The following AP3M2 variants were observed in gnomAD, a reference collection of about 807,000 sequenced individuals.
AP3M2 encodes the protein adaptor related protein complex 3 subunit mu 2.
A neutral mutation model predicts 41.6 loss-of-function variants in AP3M2; 28 were observed. The ratio of observed to expected loss-of-function variants is 0.67; its 90% confidence interval spans 0.50 to 0.92. The LOEUF (loss-of-function observed/expected upper bound fraction) is 0.92, where lower values mean the gene tolerates loss of function less well. AP3M2 is among the 40% of genes least tolerant of loss of function. AP3M2 has a pLI of 0.00. For synonymous variants in AP3M2, 193 were observed against 186.4 expected (o/e 1.04, Z -0.29); for missense variants, 427 against 521.4 (o/e 0.82, Z 1.76).
chr8:42,168,928 C>T, intron 8 of AP3M2, 33 bp from the exon 9 acceptor site: 2 of 1,506,568 alleles, frequency 1.3e-6, no homozygotes, highest in Non-Finnish European at 9.1e-7. Flanking sequence ...GAATAATACT[C>T]ATGTCTATTT....
At chr8:42,166,823 A>C (rs1398473064) in intron 6 of AP3M2, 3 of 273,152 alleles carry the variant, frequency 1.1e-5, no homozygotes, top group Admixed American at 9.6e-5. Flanking sequence ...TATACTCCCC[A>C]GTGCAAATGA....
intron 4 of AP3M2, among the ~76,000 whole-genome samples, chr8:42,162,942 T>TAAAAA (rs1804545028): frequency 4.0e-5 from 1 of 24,924 alleles, no homozygotes; most frequent in Non-Finnish European, 6.9e-5. Flanking sequence ...AGACCCTGTC[T>TAAAAA]CAAAAAAAAA....
At chr8:42,159,849 A>G (rs975828064) in intron 3 of AP3M2, among the ~76,000 whole-genome samples, 1 of 152,250 alleles carries the variant, frequency 6.6e-6, no homozygotes, top group Non-Finnish European at 1.5e-5. Context: ...AATAGCCAGG[A>G]CAGTTTTGGA....
chr8:42,166,465 T>C lies in AP3M2; in HGVS notation c.804-699T>C, dbSNP rs1054044196. 3.3e-5 allele frequency among the ~76,000 whole-genome samples: 5 copies of C among 151,788 alleles called. No homozygotes were observed. In the East Asian group the frequency reaches 7.7e-4, roughly 23 times the overall value. On this transcript the variant is annotated intron_variant, in intron 6 of 8. Coordinates refer to ENST00000396926, the MANE Select transcript of AP3M2 (RefSeq NM_006803.4). Reference sequence around the variant, plus strand: ...AATCATGACAGCCTACCCTACCTTATGGGGTTTTTGTAAGGACCAGATGAT... The same window carrying C: ...AATCATGACAGCCTACCCTACCTTACGGGGTTTTTGTAAGGACCAGATGAT...
chr8:42,160,529 TTTATAA>T (rs1804481444), intron 3 of AP3M2, among the ~76,000 whole-genome samples: 1 of 152,236 alleles, frequency 6.6e-6, no homozygotes, highest in Non-Finnish European at 1.5e-5. Context: ...AAACACAGAC[TTTATAA>T]TTATTAGACA....
chr8:42,166,591 C>CAAAAAAAAAAAA (rs56858276), intron 6 of AP3M2, among the ~76,000 whole-genome samples: 10,972 of 75,904 alleles, frequency 0.14, 1,060 homozygotes, highest in Non-Finnish European at 0.19. Context: ...CTTGTCTCTA[C>CAAAAAAAAAAAA]AAAAAAAAAA....
At position 42,154,829 on chromosome 8, in the gene AP3M2, G is replaced by T. The variant is rs201026159; in HGVS notation, c.142G>T (p.Val48Phe). The T allele has an allele frequency of 5.0e-6, 8 of 1,614,052 alleles. No homozygotes were observed. The highest frequency in any genetic ancestry group is 5.9e-6 in the Non-Finnish European group (7 of 1,180,010). ...RATEAENVPP[V>F]IPTPHHYLLS... ...TACTGAGGCAGAAAATGTGCCTCCG[G>T]TTATCCCTACCCCTCACCACTATCT... The change falls in exon 2 of 9, where the codon GTT becomes TTT. Residue 48 changes from valine (V) to phenylalanine (F), a missense_variant. Physicochemically the swap from Val to Phe is conservative, Grantham distance 50 (BLOSUM62 -1). Coordinates refer to ENST00000396926, the MANE Select transcript of AP3M2 (RefSeq NM_006803.4).
Position 42,169,176 on chromosome 8 carries a change from T to A in AP3M2, c.*115T>A. On this transcript the variant is annotated 3_prime_UTR_variant, in exon 9 of 9. Transcript: ENST00000396926. The stretch of plus-strand genomic sequence containing the variant: ...TCAGTCCCCTCCTGGACCCACCCGC[T>A]CCCTTTTTTCCTTAGCCTTCAGTGC... The A allele has an allele frequency of 1.4e-6, 1 of 738,170 alleles. No homozygotes were observed. Among genetic ancestry groups the A allele is most frequent in the Non-Finnish European group, 2.1e-6 (1 of 474,046 alleles). 45.7% of individuals were successfully genotyped at this position (738,170 alleles called of 1,614,324 possible).
At chr8:42,155,099 A>G (rs181541801) in intron 2 of AP3M2, 139 bp downstream of exon 2, 2 of 718,390 alleles carry the variant, frequency 2.8e-6, no homozygotes, top group East Asian at 5.1e-5. Flanking sequence ...CTCCCATCTG[A>G]TAAGATTCTG....
chr8:42,161,306 C>T (rs975203361), intron 3 of AP3M2, among the ~76,000 whole-genome samples: 1 of 151,872 alleles, frequency 6.6e-6, no homozygotes, highest in Non-Finnish European at 1.5e-5. Context: ...ATAGGAAAAC[C>T]CTATCTCTTA....
In AP3M2 at chr8:42,158,043, G is replaced by T. The variant is rs769186275; in HGVS notation, c.376G>T (p.Glu126Ter). ...MLDNGFPLAT[E>*]SNILKELIKP... ...TGACAATGGTTTTCCATTGGCTACC[G>T]AGTCGAACATTCTTAAAGAACTCAT... is the stretch of plus-strand genomic sequence containing the variant. The change falls in exon 3 of 9, where the codon GAG becomes TAG. Residue 126 changes from glutamate (E) to a stop codon, truncating the protein, a stop_gained. Transcript: ENST00000396926. LOFTEE classifies it high-confidence loss of function. 18 of 1,614,100 alleles carry T rather than the reference G, an allele frequency of 1.1e-5. No homozygotes were observed. Among genetic ancestry groups the T allele is most frequent in the Non-Finnish European group, 1.5e-5 (18 of 1,180,024 alleles).
intron 2 of AP3M2, chr8:42,155,911 T>C (rs1361392487): frequency 2.2e-6 from 1 of 451,740 alleles, no homozygotes; most frequent in African/African-American, 2.0e-5. Context: ...CTGCACCACG[T>C]CTAGAACAAC....
At chr8:42,157,827 A>G (rs1174643648) in intron 2 of AP3M2, 114 bp from the exon 3 acceptor site, 1 of 983,466 alleles carries the variant, frequency 1.0e-6, no homozygotes, top group Admixed American at 2.4e-5. Context: ...GTAGAAGAGT[A>G]GCCCAGAAAC....
At chr8:42,156,365 C>T (rs1315882611) in intron 2 of AP3M2, among the ~76,000 whole-genome samples, 1 of 152,170 alleles carries the variant, frequency 6.6e-6, no homozygotes, top group African/African-American at 2.4e-5. Context: ...CATCCTGATT[C>T]TCAGGTCTCC....
At chr8:42,167,558 ATGT>A in intron 7 of AP3M2, 105 bp from the exon 8 acceptor site, 1 of 1,427,514 alleles carries the variant, frequency 7.0e-7, no homozygotes, top group Admixed American at 2.1e-5. Flanking sequence ...GCAGCTTATA[ATGT>A]TGTGGACAGG....
rs1804308669 is a variant in AP3M2 at position 42,154,743 on chromosome 8, A to G, written c.56A>G (p.His19Arg). Residue 19 changes from histidine (H) to arginine (R), a missense_variant, in exon 2 of 9, where the codon CAT (histidine) becomes CGT (arginine). This residue lies in a region of AP3M2 where 104 missense variants were observed against 93.8 expected (regional missense o/e 1.11). Coordinates refer to ENST00000396926, the MANE Select transcript of AP3M2 (RefSeq NM_006803.4). ...NSSGDIFLEK[H>R]WKSVVSRSVC... ...TCTGGAGACATTTTCCTGGAGAAACATTGGAAAAGTGTGGTCAGCCGTTCT... is the reference window on the plus strand; with the variant it reads ...TCTGGAGACATTTTCCTGGAGAAACGTTGGAAAAGTGTGGTCAGCCGTTCT... 2.5e-6 allele frequency: 4 copies of G among 1,614,154 alleles called. No individual in the cohort carries two copies. The highest frequency in any genetic ancestry group is 1.7e-5 in the Admixed American group (1 of 60,022).
intron 6 of AP3M2, 117 bp from the exon 7 acceptor site, chr8:42,167,047 A>G (rs1026010819): frequency 3.2e-5 from 26 of 809,004 alleles, no homozygotes; most frequent in South Asian, 7.0e-5. Flanking sequence ...GATAAAAAGT[A>G]AGGACATAGT....
Position 42,154,958 on chromosome 8 carries a change from C to A in AP3M2, c.271C>A (p.Gln91Lys). The A allele has an allele frequency of 6.2e-7, 1 of 1,612,310 alleles. No individual in the cohort carries two copies. Among genetic ancestry groups the A allele is most frequent in the African/African-American group, 1.3e-5 (1 of 74,956 alleles). Reference sequence around the variant, plus strand: ...TCTTCACCGAGTGGTGGACACATTTCAGGTTCGTGAATGTGGGAAAGTTCA... The same window carrying A: ...TCTTCACCGAGTGGTGGACACATTTAAGGTTCGTGAATGTGGGAAAGTTCA... ...EFLHRVVDTF[Q>K]DYFGVCSEPV... The change falls in exon 2 of 9, where the codon CAG (glutamine) becomes AAG (lysine). Residue 91 changes from glutamine to lysine, a missense_variant and splice_region_variant. Transcript: ENST00000396926.
intron 4 of AP3M2, 100 bp downstream of exon 4, chr8:42,162,518 C>T (rs1010504963): frequency 1.4e-6 from 2 of 1,399,718 alleles, no homozygotes; most frequent in South Asian, 2.9e-5. Context: ...CAAGGTCATC[C>T]ACTTCAATTT....
Sources: gnomAD v4.1 joint callset for allele counts (sites outside exome capture counted in the v4.1 genomes callset) on GRCh38, gnomAD v4.1.1 for gene constraint, gnomAD v4.1.1 regional missense constraint, MANE v1.5 for transcripts, NCBI Gene and HGNC (gene_info 2026-07-23, HGNC 2026-07-21) for gene names.